Variants in TENM3 observed in about 807,000 individuals in gnomAD.
TENM3 encodes teneurin-3.
Under a neutral mutation model 255.1 loss-of-function variants are expected in TENM3, and 63 were observed. That is an observed-to-expected ratio of 0.25 (90% CI 0.20 to 0.30). The LOEUF is 0.30. Among genes scored for constraint, TENM3 ranks in the 10% least tolerant of loss-of-function variants. TENM3 has a pLI of 1.00. For synonymous variants in TENM3, 1,306 were observed against 1,322.3 expected, an observed-to-expected ratio of 0.99 and a Z score of 0.27; for missense variants, 2,929 against 3,461.1, an observed-to-expected ratio of 0.85 and a Z score of 3.86.
At chr4:182,479,178 G>A (rs1668910802) in intron 3 of TENM3, among the ~76,000 whole-genome samples, 1 of 151,702 alleles carries the variant, frequency 6.6e-6, no homozygotes, top group Non-Finnish European at 1.5e-5. Context: ...CAGTCTTTTA[G>A]CTTGGCAAGT....
chr4:182,187,442 G>T (rs1008205419), intron 1 of TENM3, among the ~76,000 whole-genome samples: 1 of 152,126 alleles, frequency 6.6e-6, no homozygotes, highest in Non-Finnish European at 1.5e-5. Flanking sequence ...GTCAAAGGAG[G>T]TTAAAATTTT....
the TENM3 span, among the ~76,000 whole-genome samples, chr4:182,000,904 AAAT>A: frequency 6.6e-6 from 1 of 152,090 alleles, no homozygotes; most frequent in Non-Finnish European, 1.5e-5. Flanking sequence ...AGAAAGTCTA[AAAT>A]AATAATTTTG....
chr4:182,530,249 C>T (rs1047643808), intron 3 of TENM3, among the ~76,000 whole-genome samples: 3 of 152,182 alleles, frequency 2.0e-5, no homozygotes, highest in African/African-American at 7.2e-5. Context: ...GGAATTATCT[C>T]TAAATTTTAT....
intron 1 of TENM3, among the ~76,000 whole-genome samples, chr4:182,197,899 G>GT (rs1357295453): frequency 6.6e-6 from 1 of 152,218 alleles, no homozygotes; most frequent in African/African-American, 2.4e-5. Flanking sequence ...GAGGTCAGGA[G>GT]TTTGAGACCA....
intron 1 of TENM3, among the ~76,000 whole-genome samples, chr4:182,174,723 A>G (rs955964283): frequency 3.1e-4 from 47 of 152,336 alleles, no homozygotes; most frequent in African/African-American, 1.1e-3. Context: ...GATTCCTTGT[A>G]TAACCAATGA....
At chr4:182,557,612 A>G (rs1419366137) in intron 3 of TENM3, among the ~76,000 whole-genome samples, 1 of 152,162 alleles carries the variant, frequency 6.6e-6, no homozygotes, top group African/African-American at 2.4e-5. Flanking sequence ...TTGAATCTAC[A>G]TATAGTCTCT....
chr4:182,778,248 C>T (rs900520734), intron 24 of TENM3, among the ~76,000 whole-genome samples: 9 of 151,580 alleles, frequency 5.9e-5, no homozygotes, highest in African/African-American at 2.2e-4. Flanking sequence ...GATTCAGAGG[C>T]TTAGAGAAAA....
the TENM3 span, among the ~76,000 whole-genome samples, chr4:181,745,634 A>G: frequency 6.6e-6 from 1 of 152,132 alleles, no homozygotes; most frequent in Admixed American, 6.5e-5. Flanking sequence ...AAAGGGAGAT[A>G]GATAAGGAGA....
At chr4:182,058,835 A>G in the TENM3 span, among the ~76,000 whole-genome samples, 4 of 152,094 alleles carry the variant, frequency 2.6e-5, no homozygotes, top group East Asian at 7.7e-4. Flanking sequence ...GACATAAAAT[A>G]TTAGTTAAGG....
intron 3 of TENM3, among the ~76,000 whole-genome samples, chr4:182,439,445 T>A (rs1772297561): frequency 6.6e-6 from 1 of 152,244 alleles, no homozygotes; most frequent in African/African-American, 2.4e-5. Flanking sequence ...CTACAGGGTA[T>A]TTTAAATAAT....
intron 18 of TENM3, among the ~76,000 whole-genome samples, chr4:182,738,858 T>C (rs1299880686): frequency 6.8e-6 from 1 of 147,048 alleles, no homozygotes; most frequent in Non-Finnish European, 1.5e-5. Flanking sequence ...CAGCACAGAT[T>C]CACCTAGAGT....
chr4:182,684,531 G>A (rs1361531724), intron 11 of TENM3, among the ~76,000 whole-genome samples: 1 of 149,914 alleles, frequency 6.7e-6, no homozygotes, highest in African/African-American at 2.5e-5. Flanking sequence ...TTCTTTATAT[G>A]TAAAATGGAG....
chr4:182,377,913 G>T (rs758767834), intron 3 of TENM3, among the ~76,000 whole-genome samples: 1 of 152,152 alleles, frequency 6.6e-6, no homozygotes, highest in African/African-American at 2.4e-5. Flanking sequence ...CTGTAGGTGA[G>T]TGAAATAGAG....
At chr4:181,617,694 C>A in the TENM3 span, among the ~76,000 whole-genome samples, 1 of 152,078 alleles carries the variant, frequency 6.6e-6, no homozygotes, top group Non-Finnish European at 1.5e-5. Flanking sequence ...TCATGGACTA[C>A]GACTAGAAAT....
the TENM3 span, among the ~76,000 whole-genome samples, chr4:181,625,612 A>G: frequency 6.6e-6 from 1 of 152,054 alleles, no homozygotes; most frequent in Non-Finnish European, 1.5e-5. Flanking sequence ...AGAGATTGAG[A>G]CCATCCTGGC....
intron 2 of TENM3, among the ~76,000 whole-genome samples, chr4:182,328,735 A>T (rs984810932): frequency 6.6e-6 from 1 of 152,070 alleles, no homozygotes; most frequent in Non-Finnish European, 1.5e-5. Context: ...CCGTCTCTTC[A>T]TTCTTACCAT....
the TENM3 span, among the ~76,000 whole-genome samples, chr4:181,812,565 T>TA: frequency 6.6e-6 from 1 of 152,200 alleles, no homozygotes; most frequent in Non-Finnish European, 1.5e-5. Context: ...TGACTGGACT[T>TA]AAATATTTCA....
chr4:182,145,967 T>A (rs1749936691), intron 1 of TENM3, among the ~76,000 whole-genome samples: 1 of 152,208 alleles, frequency 6.6e-6, no homozygotes, highest in African/African-American at 2.4e-5. Context: ...CTGGAAAGCT[T>A]GGAAGAGTAT....
chr4:182,054,862 G>C, the TENM3 span, among the ~76,000 whole-genome samples: 1 of 152,092 alleles, frequency 6.6e-6, no homozygotes, highest in African/African-American at 2.4e-5. Flanking sequence ...GAGGTCATAG[G>C]AGACTCCTTG....
Sources: gnomAD v4.1 joint callset for allele counts (sites outside exome capture counted in the v4.1 genomes callset) on GRCh38, gnomAD v4.1.1 for gene constraint, MANE v1.5 for transcripts, NCBI Gene and HGNC (gene_info 2026-07-23, HGNC 2026-07-21) for gene names.